Variants in USP13 observed in about 807,000 individuals in gnomAD.
USP13 encodes the protein ubiquitin specific peptidase 13, also known as ubiquitin carboxyl-terminal hydrolase 13.
In USP13, 68 loss-of-function variants were observed where a neutral mutation model predicts 107.8. That is an observed-to-expected ratio of 0.63 (90% confidence interval 0.52 to 0.77). USP13 has a LOEUF of 0.77. Among genes scored for constraint, USP13 ranks in the 30% least tolerant of loss-of-function variants. The pLI is 0.00. For synonymous variants in USP13, 377 were observed against 389.5 expected (o/e 0.97, Z 0.38); for missense variants, 945 against 1,093.3 (o/e 0.86, Z 1.91).
chr3:179,778,881 G>A (rs1715643375), intron 19 of USP13, among the ~76,000 whole-genome samples: 1 of 152,154 alleles, frequency 6.6e-6, no homozygotes, highest in East Asian at 1.9e-4. Context: ...GTGGAAGGAG[G>A]GTTACTATTT....
At chr3:179,729,839 C>T (rs533367716) in intron 8 of USP13, among the ~76,000 whole-genome samples, 5 of 152,302 alleles carry the variant, frequency 3.3e-5, no homozygotes, top group South Asian at 4.1e-4. Flanking sequence ...ACTCTGGTTG[C>T]GTGTTAGAAT....
At chr3:179,674,021 G>A (rs1720821666) in intron 1 of USP13, among the ~76,000 whole-genome samples, 2 of 152,208 alleles carry the variant, frequency 1.3e-5, no homozygotes, top group African/African-American at 4.8e-5. Flanking sequence ...GCCTTCCTGA[G>A]TAGCTGGGAT....
rs527660941 is a variant in USP13 at position 179,748,053 on chromosome 3, A to T, written c.1709+2836A>T. Among the ~76,000 whole-genome samples the T allele has an allele frequency of 1.2e-3, 183 of 152,352 alleles. 1 individual carries two copies. The highest frequency in any genetic ancestry group is 2.3e-3 in the Non-Finnish European group (155 of 68,032). On this transcript the variant is annotated intron_variant, in intron 13 of 20. Coordinates refer to ENST00000263966, the MANE Select transcript of USP13 (RefSeq NM_003940.3). ...AAAGGTAATAAAGCAACTATCATTTATTGCACATTTGTTATTGCCAGGTCA... is the reference window on the plus strand; with the variant it reads ...AAAGGTAATAAAGCAACTATCATTTTTTGCACATTTGTTATTGCCAGGTCA...
chr3:179,667,848 A>G lies in USP13; in HGVS notation c.169-14030A>G, dbSNP rs142537275. ...TTTTTAGTAGAGACGGGGTTTCTCC[A>G]TATTGGTAAGGCTGGTCTCGAATTC... On this transcript the variant is annotated intron_variant, in intron 1 of 20. Coordinates refer to ENST00000263966, the MANE Select transcript of USP13 (RefSeq NM_003940.3). 6.5e-3 allele frequency among the ~76,000 whole-genome samples: 987 copies of G among 152,282 alleles called. 19 individuals carry two copies. The Middle Eastern group carries it at 0.092, about 14-fold the overall frequency.
intron 1 of USP13, among the ~76,000 whole-genome samples, chr3:179,661,662 G>A (rs770703259): frequency 1.4e-4 from 21 of 152,040 alleles, no homozygotes; most frequent in Non-Finnish European, 2.6e-4. Context: ...GGAGGGTGAA[G>A]GTGGTCTCAG....
In USP13 at chr3:179,653,068, C is replaced by T. The variant is rs1201582887; in HGVS notation, c.-158C>T. On this transcript the variant is annotated 5_prime_UTR_variant, in exon 1 of 21. Transcript: ENST00000263966. The surrounding 1 kb of genome is among the most constrained non-coding windows in gnomAD (Gnocchi z 4.0). ...CCGCCCCAAGCCCGCGGTGCCCGCT[C>T]CCGCCCCGCAGCCCGCTCTCCCCGC... is the stretch of plus-strand genomic sequence containing the variant. The T allele has an allele frequency of 1.8e-6, 1 of 542,416 alleles. No individual in the cohort carries two copies. The highest frequency in any genetic ancestry group is 2.3e-6 in the Non-Finnish European group (1 of 426,112). The allele number at this position is 542,416 out of a possible 1,614,324, so 33.6% of individuals were successfully genotyped here. A position where few individuals can be genotyped will look rare whatever the true frequency, so the allele number is the denominator to read the frequency against.
intron 1 of USP13, among the ~76,000 whole-genome samples, chr3:179,664,095 C>T (rs1162685353): frequency 4.6e-5 from 7 of 151,274 alleles, no homozygotes; most frequent in Non-Finnish European, 1.0e-4. Flanking sequence ...GAACCTGTGC[C>T]ATTAAGCCTG....
At chr3:179,740,402 C>T (rs757421504) in intron 11 of USP13, 30 bp downstream of exon 11, 11 of 1,613,148 alleles carry the variant, frequency 6.8e-6, no homozygotes, top group South Asian at 3.3e-5. Context: ...GGATGCTCAG[C>T]GGGGTTGTAA....
rs183440702 is a variant in USP13 at position 179,788,613 on chromosome 3, A to G, written c.*4472A>G. The G allele has an allele frequency of 6.2e-4, 95 of 152,350 alleles. No homozygotes were observed. Among genetic ancestry groups the G allele is most frequent in the African/African-American group, 2.1e-3 (88 of 41,588 alleles). The allele number at this position is 152,350 out of a possible 1,614,324, so 9.4% of individuals were successfully genotyped here. A position where few individuals can be genotyped will look rare whatever the true frequency, so the allele number is the denominator to read the frequency against. On this transcript the variant is annotated 3_prime_UTR_variant, in exon 21 of 21. Transcript: ENST00000263966. ...CTATTTTGGATGTACTAAGTAAAAT[A>G]TTAACAATTTAATATATTTATATAA...
In USP13 at chr3:179,761,030, G is replaced by A. The variant is rs952221037; in HGVS notation, c.1949-82G>A. The A allele has an allele frequency of 1.0e-5, 16 of 1,537,684 alleles. 1 individual carries two copies. Among genetic ancestry groups the A allele is most frequent in the Middle Eastern group, 3.4e-4 (2 of 5,820 alleles). ...GAATAGCACTTTCTTTGGGTAGCAT[G>A]TGGATAGGAGAGTGGAGAGTAGCTA... On this transcript the variant is annotated intron_variant, in intron 16 of 20. Transcript: ENST00000263966.
intron 10 of USP13, among the ~76,000 whole-genome samples, chr3:179,733,826 C>T (rs775403787): frequency 1.2e-4 from 19 of 152,304 alleles, no homozygotes; most frequent in South Asian, 8.3e-4. Flanking sequence ...TTCACTGATG[C>T]GGAAACGGAT....
At chr3:179,711,525 A>T (rs13326401) in intron 6 of USP13, among the ~76,000 whole-genome samples, 6,173 of 152,112 alleles carry the variant, frequency 0.041, 370 homozygotes, top group African/African-American at 0.13. Flanking sequence ...ATTTTTTTTT[A>T]AAATATCTTT....
Position 179,671,177 on chromosome 3 carries a change from C to T in USP13, c.169-10701C>T, listed in dbSNP as rs191563618. On this transcript the variant is annotated intron_variant, in intron 1 of 20. Coordinates refer to ENST00000263966, the MANE Select transcript of USP13 (RefSeq NM_003940.3). The stretch of plus-strand genomic sequence containing the variant: ...CTGAGGCAGGAGAAACCCTTGAACC[C>T]GGGAGGCAGAGATGGCTCCACTGCA... Among the ~76,000 whole-genome samples, 294 of 152,138 alleles carry T rather than the reference C, an allele frequency of 1.9e-3. 2 individuals carry two copies. The highest frequency in any genetic ancestry group is 6.7e-3 in the African/African-American group (280 of 41,536).
intron 16 of USP13, among the ~76,000 whole-genome samples, chr3:179,757,356 C>G (rs1418222597): frequency 6.6e-6 from 1 of 152,166 alleles, no homozygotes; most frequent in African/African-American, 2.4e-5. Flanking sequence ...CTTACCTTCT[C>G]TGAGCCCCAG....
intron 1 of USP13, among the ~76,000 whole-genome samples, chr3:179,673,129 G>C (rs1720795550): frequency 6.6e-6 from 1 of 152,160 alleles, no homozygotes; most frequent in South Asian, 2.1e-4. Flanking sequence ...AATTTCTGCT[G>C]GTGCCTCAGG....
intron 10 of USP13, among the ~76,000 whole-genome samples, chr3:179,738,617 A>G (rs1226250763): frequency 1.3e-5 from 2 of 152,194 alleles, no homozygotes; most frequent in African/African-American, 4.8e-5. Flanking sequence ...ACATTTGGGA[A>G]ACAGCTTTAT....
chr3:179,699,555 T>TA (rs1328816046), intron 3 of USP13, among the ~76,000 whole-genome samples: 5 of 151,698 alleles, frequency 3.3e-5, no homozygotes, highest in Admixed American at 1.3e-4. Flanking sequence ...TTACAAAAGA[T>TA]AAAAAAAATT....
intron 14 of USP13, among the ~76,000 whole-genome samples, chr3:179,752,603 T>C (rs1251499187): frequency 6.6e-6 from 1 of 152,238 alleles, no homozygotes; most frequent in African/African-American, 2.4e-5. Context: ...TCTAAGAGTG[T>C]AAACAGAATC....
At chr3:179,726,946 TG>T (rs1560064104) in intron 8 of USP13, among the ~76,000 whole-genome samples, 2 of 152,146 alleles carry the variant, frequency 1.3e-5, no homozygotes, top group African/African-American at 4.8e-5. Context: ...CCAAAAGTAC[TG>T]GGATTACAGG....
Sources: allele counts gnomAD v4.1 joint callset (sites outside exome capture counted in the v4.1 genomes callset), GRCh38; gene constraint gnomAD v4.1.1; non-coding constraint Gnocchi (gnomAD v3.1); transcripts MANE v1.5; gene names NCBI Gene and HGNC (gene_info 2026-07-23, HGNC 2026-07-21).